Variants in LPAR6 observed in about 807,000 individuals in gnomAD.
The protein encoded by LPAR6 is G-protein coupled purinergic receptor P2Y5.
A neutral mutation model predicts 22.0 loss-of-function variants in LPAR6; 17 were observed. That is an observed-to-expected ratio of 0.77 (90% CI 0.53 to 1.16). LPAR6 has a LOEUF of 1.16. LPAR6 is among the 50% of genes most tolerant of loss of function. The pLI is 0.00. For missense variants in LPAR6, 384 were observed against 406.9 expected, an observed-to-expected ratio of 0.94 and a Z score of 0.48; for synonymous variants, 136 against 139.8, an observed-to-expected ratio of 0.97 and a Z score of 0.19.
At chr13:48,415,591 G>GT (rs1948895544), upstream of LPAR6, 3 of 152,034 alleles carry the variant, frequency 2.0e-5, no homozygotes, top group Non-Finnish European at 4.4e-5. Flanking sequence ...TTCATTTATA[G>GT]TTTTTTAATG....
chr13:48,411,408 T>C lies in LPAR6; in HGVS notation c.1016A>G (p.Asp339Gly), dbSNP rs760007920. 1.2e-6 allele frequency: 2 copies of C among 1,611,944 alleles called. No homozygotes were observed. Among genetic ancestry groups the C allele is most frequent in the East Asian group, 4.5e-5 (2 of 44,816 alleles). Residue 339 changes from aspartate (D) to glycine (G), a missense_variant, in exon 1 of 1, where the codon GAC becomes GGC. Physicochemically the swap from Asp to Gly is moderately conservative, Grantham distance 94. Coordinates refer to ENST00000620633, the MANE Select transcript of LPAR6 (RefSeq NM_001162498.3). ...TTTATTTCAGGCAGCAGATTCATTGTCAAATATCTTACTTTTTAAGGTCTG... is the reference window on the plus strand; with the variant it reads ...TTTATTTCAGGCAGCAGATTCATTGCCAAATATCTTACTTTTTAAGGTCTG... ...NLQTLKSKIF[D>G]NESAA
intron 1 of LPAR6, among the ~76,000 whole-genome samples, chr13:48,440,578 G>A (rs541997684): frequency 1.3e-5 from 2 of 152,274 alleles, no homozygotes; most frequent in Non-Finnish European, 1.5e-5. Context: ...GGGGTAAGGC[G>A]ATCTGCCTTG....
chr13:48,406,034 A>G (rs1358757734), intron 1 of LPAR6, among the ~76,000 whole-genome samples: 4 of 152,078 alleles, frequency 2.6e-5, no homozygotes, highest in Non-Finnish European at 1.5e-5. Context: ...CTAGTTTTCT[A>G]TGATTGGACA....
intron 1 of LPAR6, among the ~76,000 whole-genome samples, chr13:48,402,046 T>G (rs1377020470): frequency 1.3e-5 from 2 of 152,150 alleles, no homozygotes; most frequent in Non-Finnish European, 2.9e-5. Context: ...TATCATTTAG[T>G]TTTTTTCTTT....
chr13:48,412,136 A>T lies in LPAR6; in HGVS notation c.288T>A (p.Phe96Leu). The change falls in exon 1 of 1, where the codon TTT (phenylalanine) becomes TTA (leucine). Residue 96 changes from phenylalanine (F) to leucine (L), a missense_variant. Transcript: ENST00000620633. ...GAATGCTTCCGTACATGTTGGTATA[A>T]AACAGCATCACAGAAATCTTACAAA... ...DLLCKISVMLFYTNMYGSILF... is the reference protein window; with the variant it reads ...DLLCKISVMLLYTNMYGSILF... 6.2e-7 allele frequency: 1 copy of T among 1,613,894 alleles called. No individual in the cohort carries two copies. Among genetic ancestry groups the T allele is most frequent in the Non-Finnish European group, 8.5e-7 (1 of 1,179,956 alleles).
At chr13:48,438,863 A>T (rs1052528317) in intron 1 of LPAR6, among the ~76,000 whole-genome samples, 1 of 152,208 alleles carries the variant, frequency 6.6e-6, no homozygotes, top group Non-Finnish European at 1.5e-5. Flanking sequence ...CATGTATCAT[A>T]CCAAACTTTT....
At chr13:48,395,288 G>A (rs1948639171) in intron 1 of LPAR6, among the ~76,000 whole-genome samples, 1 of 152,106 alleles carries the variant, frequency 6.6e-6, no homozygotes, top group Non-Finnish European at 1.5e-5. Context: ...ATGAAGATGA[G>A]GAAAAACCAG....
chr13:48,416,391 C>A, upstream of LPAR6: 1 of 152,440 alleles, frequency 6.6e-6, no homozygotes. Flanking sequence ...AGGAACGATG[C>A]ATTCCGGCCC....
intron 1 of LPAR6, among the ~76,000 whole-genome samples, chr13:48,440,974 A>G (rs972066483): frequency 1.3e-5 from 2 of 152,210 alleles, no homozygotes; most frequent in African/African-American, 4.8e-5. Flanking sequence ...CAGACATTCT[A>G]AGGATGACCT....
chr13:48,430,864 G>T (rs1336884228), upstream of LPAR6, among the ~76,000 whole-genome samples: 1 of 152,048 alleles, frequency 6.6e-6, no homozygotes, highest in Non-Finnish European at 1.5e-5. Flanking sequence ...AGGAGTTTGG[G>T]GCTGCAGTAG....
chr13:48,394,644 G>A (rs1420550286), intron 1 of LPAR6, among the ~76,000 whole-genome samples: 1 of 152,170 alleles, frequency 6.6e-6, no homozygotes, highest in East Asian at 1.9e-4. Context: ...TTCAAACTGG[G>A]CAGAGCCTAC....
At chr13:48,431,524 ACTAGT>A (rs1376657458), upstream of LPAR6, among the ~76,000 whole-genome samples, 1 of 152,248 alleles carries the variant, frequency 6.6e-6, no homozygotes, top group Admixed American at 6.5e-5. Flanking sequence ...ATTCTAAGCC[ACTAGT>A]CATCTATTCC....
At chr13:48,406,371 C>G (rs184119531), downstream of LPAR6, among the ~76,000 whole-genome samples, 129 of 152,136 alleles carry the variant, frequency 8.5e-4, no homozygotes, top group African/African-American at 3.0e-3. Flanking sequence ...TTATCACCAT[C>G]ATTTAAAAAA....
At chr13:48,429,981 A>G (rs1949113259), upstream of LPAR6, among the ~76,000 whole-genome samples, 2 of 152,262 alleles carry the variant, frequency 1.3e-5, no homozygotes, top group Non-Finnish European at 1.5e-5. Context: ...ATGCCAATCC[A>G]GTAAAAATCT....
chr13:48,442,920 T>C lies in LPAR6; in HGVS notation c.-1474+1633A>G, dbSNP rs7320034. On this transcript the variant is annotated intron_variant, in intron 1 of 6. Coordinates refer to the LPAR6 transcript ENST00000378434. Reference sequence around the variant, plus strand: ...CCCAACACCACAAAGTAACTTAGTTTAAAATAAAATAAAAATTTTTGAAAT... The same window carrying C: ...CCCAACACCACAAAGTAACTTAGTTCAAAATAAAATAAAAATTTTTGAAAT... Among the ~76,000 whole-genome samples the C allele has an allele frequency of 5.5e-3, 841 of 152,290 alleles. 14 individuals carry two copies. Among genetic ancestry groups the C allele is most frequent in the African/African-American group, 0.019 (800 of 41,572 alleles).
intron 1 of LPAR6, among the ~76,000 whole-genome samples, chr13:48,443,632 A>G (rs1272330777): frequency 1.3e-5 from 2 of 152,192 alleles, no homozygotes; most frequent in Admixed American, 6.5e-5. Flanking sequence ...ACATCATTCT[A>G]TTTTGCCAGT....
In LPAR6 at chr13:48,412,419, A is replaced by C. The variant is rs1482275987; in HGVS notation, c.5T>G (p.Val2Gly). The C allele has an allele frequency of 6.2e-7, 1 of 1,612,958 alleles. No homozygotes were observed. Among genetic ancestry groups the C allele is most frequent in the Admixed American group, 1.7e-5 (1 of 60,014 alleles). Residue 2 changes from valine to glycine, a missense_variant, in exon 1 of 1, where the codon GTA becomes GGA. Val to Gly is a moderately radical substitution (Grantham distance 109). Coordinates refer to ENST00000620633, the MANE Select transcript of LPAR6 (RefSeq NM_001162498.3). ...GAAGCAGTGGGAGCTGTTAACGCTTACCATCGTAAAGGCACGTCCAATTTT... is the reference window on the plus strand; with the variant it reads ...GAAGCAGTGGGAGCTGTTAACGCTTCCCATCGTAAAGGCACGTCCAATTTT... M[V>G]SVNSSHCFYN...
At chr13:48,417,975 G>A (rs190705099), upstream of LPAR6, among the ~76,000 whole-genome samples, 743 of 152,300 alleles carry the variant, frequency 4.9e-3, 5 homozygotes, top group Non-Finnish European at 7.2e-3. Flanking sequence ...TTATCCAGGA[G>A]AATTTCCCCA....
chr13:48,398,218 A>G (rs1222343336), intron 1 of LPAR6, among the ~76,000 whole-genome samples: 1 of 151,056 alleles, frequency 6.6e-6, no homozygotes, highest in Non-Finnish European at 1.5e-5. Flanking sequence ...AAGAGGAAAC[A>G]TTTTATTTTA....
Sources: allele counts gnomAD v4.1 joint callset (sites outside exome capture counted in the v4.1 genomes callset), GRCh38; gene constraint gnomAD v4.1.1; transcripts MANE v1.5; gene names NCBI Gene and HGNC (gene_info 2026-07-23, HGNC 2026-07-21).